The following NECAP2 variants were observed in gnomAD, a reference collection of about 807,000 sequenced individuals.
The protein encoded by NECAP2 is NECAP endocytosis associated 2.
In NECAP2, 38 loss-of-function variants were observed where a neutral mutation model predicts 37.8. That is an observed-to-expected ratio of 1.01 (90% CI 0.78 to 1.32). The LOEUF (loss-of-function observed/expected upper bound fraction) is 1.32, where lower values mean the gene tolerates loss of function less well. NECAP2 is among the 40% of genes most tolerant of loss of function. NECAP2 has a pLI of 0.00. For missense variants in NECAP2, 316 were observed against 334.5 expected, an observed-to-expected ratio of 0.94 and a Z score of 0.43; for synonymous variants, 121 against 127.7, an observed-to-expected ratio of 0.95 and a Z score of 0.35.
intron 2 of NECAP2, among the ~76,000 whole-genome samples, chr1:16,446,565 CTTTTT>C (rs80041434): frequency 1.4e-5 from 2 of 145,116 alleles, no homozygotes; most frequent in Admixed American, 6.9e-5. Context: ...CTGTTTCTTT[CTTTTT>C]TTTTTTTCTT....
Position 16,449,089 on chromosome 1 carries a change from C to G in NECAP2, c.381-4C>G, listed in dbSNP as rs773519134. The G allele has an allele frequency of 3.7e-6, 6 of 1,607,208 alleles. No individual in the cohort carries two copies. The highest frequency in any genetic ancestry group is 4.3e-6 in the Non-Finnish European group (5 of 1,175,356). ...TCACCTTTTTCCTCATGTTCTCTCC[C>G]CAGGTGGGTGAAACAGCAGTGTGAA... On this transcript the variant is annotated splice_polypyrimidine_tract_variant and splice_region_variant and intron_variant, in intron 4 of 7. Transcript: ENST00000337132.
chr1:16,458,705 G>A (rs1450789717), intron 7 of NECAP2, 137 bp from the exon 8 acceptor site: 1 of 824,454 alleles, frequency 1.2e-6, no homozygotes, highest in Non-Finnish European at 1.9e-6. Flanking sequence ...CTGTGCCAGA[G>A]TTTGCTGACT....
At chr1:16,441,159 C>CT (rs2086685202) in intron 1 of NECAP2, 2 of 410,992 alleles carry the variant, frequency 4.9e-6, no homozygotes, top group Non-Finnish European at 8.9e-6. Flanking sequence ...AGACGCTTCT[C>CT]TTTCAGCGCT....
rs749209440 is a variant in NECAP2, at chr1:16,447,931, G to A, written c.255G>A (p.Thr85=). 9.0e-5 allele frequency: 145 copies of A among 1,614,012 alleles called. No individual in the cohort carries two copies. Among genetic ancestry groups the A allele is most frequent in the Non-Finnish European group, 1.2e-4 (143 of 1,180,032 alleles). The part of the protein sequence containing the change: ...QFPGTAVESV[T]DSSRYFVIRI... ...CTGGCACAGCTGTGGAGAGTGTGAC[G>A]GATTCCAGCAGGTACTTCGTGATCC... Residue 85 remains threonine, a synonymous_variant, in exon 3 of 8, where the codon ACG becomes ACA. Transcript: ENST00000337132.
At chr1:16,448,949 C>T (rs1273271038) in intron 4 of NECAP2, 144 bp from the exon 5 acceptor site, 1 of 609,050 alleles carries the variant, frequency 1.6e-6, no homozygotes, top group East Asian at 2.8e-5. Flanking sequence ...TCAGGCCTCA[C>T]TCCCAAGCCT....
chr1:16,444,113 A>G (rs1031488383), intron 2 of NECAP2, among the ~76,000 whole-genome samples: 2 of 152,158 alleles, frequency 1.3e-5, no homozygotes, highest in South Asian at 2.1e-4. Context: ...TTGTTTATCA[A>G]TGCAGCGGTA....
At chr1:16,442,375 A>G (rs2086702167) in intron 1 of NECAP2, among the ~76,000 whole-genome samples, 1 of 152,154 alleles carries the variant, frequency 6.6e-6, no homozygotes, top group Non-Finnish European at 1.5e-5. Context: ...CTTAGAGGAA[A>G]CTACCAGTGC....
At chr1:16,455,556 G>A (rs1027621947) in intron 6 of NECAP2, 22 of 459,532 alleles carry the variant, frequency 4.8e-5, no homozygotes, top group African/African-American at 3.3e-4. Flanking sequence ...CACCCATCCC[G>A]CGGGCACCCC....
Position 16,448,189 on chromosome 1 carries a change from T to G in NECAP2, c.380+48T>G, listed in dbSNP as rs115287468. ...CGCTCATGCCCCTCCCTTCTTTCCC[T>G]GGACAGAATGATCTCCCAGGTTAGG... is the stretch of plus-strand genomic sequence containing the variant. On this transcript the variant is annotated intron_variant, in intron 4 of 7. Transcript: ENST00000337132. 2.3e-3 allele frequency: 3,490 copies of G among 1,516,902 alleles called. 62 individuals are homozygous for G. In the African/African-American group the frequency reaches 0.039, roughly 17 times the overall value. The allele number at this position is 1,516,902 out of a possible 1,614,324, so 94.0% of individuals were successfully genotyped here.
intron 5 of NECAP2, chr1:16,450,261 T>G: frequency 2.6e-6 from 1 of 378,240 alleles, no homozygotes; most frequent in African/African-American, 2.7e-5. Context: ...TTTTTTTGTT[T>G]TGTTTTGTTT....
chr1:16,453,315 G>A (rs891109939), intron 6 of NECAP2, among the ~76,000 whole-genome samples: 4 of 151,842 alleles, frequency 2.6e-5, no homozygotes, highest in African/African-American at 9.7e-5. Context: ...CTCCATGTTG[G>A]TCAGGCTGGT....
chr1:16,458,206 C>G (rs545839685), intron 7 of NECAP2, among the ~76,000 whole-genome samples: 1 of 152,074 alleles, frequency 6.6e-6, no homozygotes, highest in African/African-American at 2.4e-5. Flanking sequence ...TTTATTTTCA[C>G]GTTGAAAATC....
chr1:16,451,903 G>C lies in NECAP2; in HGVS notation c.555G>C (p.Leu185=), dbSNP rs149073589. 2.7e-5 allele frequency: 44 copies of C among 1,614,086 alleles called. No individual in the cohort carries two copies. The African/African-American group carries it at 4.8e-4, about 18-fold the overall frequency. The change falls in exon 6 of 8, where the codon CTG becomes CTC. Residue 185 remains leucine (L), a synonymous_variant. Transcript: ENST00000337132. The part of the protein sequence containing the change: ...PRVRPASTGG[L]SLLPPPPGGK... ...TCCGGCCTGCCAGCACAGGAGGGCT[G>C]AGCCTGCTTCCCCCTCCCCCAGGGG...
intron 2 of NECAP2, among the ~76,000 whole-genome samples, chr1:16,447,245 T>G (rs2086776988): frequency 6.6e-6 from 1 of 152,148 alleles, no homozygotes; most frequent in South Asian, 2.1e-4. Context: ...TCATAAATGC[T>G]TGTGGAAATT....
intron 2 of NECAP2, 42 bp from the exon 3 acceptor site, chr1:16,447,827 AG>A (rs762222617): frequency 2.6e-6 from 4 of 1,543,358 alleles, no homozygotes. Flanking sequence ...CTTGGCTGGA[AG>A]GGGGCTCAGG....
In NECAP2 at chr1:16,446,266, G is replaced by A. The variant is rs1043941333; in HGVS notation, c.194-1604G>A. On this transcript the variant is annotated intron_variant, in intron 2 of 7. Coordinates refer to ENST00000337132, the MANE Select transcript of NECAP2 (RefSeq NM_018090.5). ...CACAGGATTCAGTAGAAGATATATG[G>A]TTAAATACTTAAAGCACCAGCCAGG... Among the ~76,000 whole-genome samples, 35 of 152,254 alleles carry A rather than the reference G, an allele frequency of 2.3e-4. 1 individual carries two copies. Among genetic ancestry groups the A allele is most frequent in the African/African-American group, 8.4e-4 (35 of 41,546 alleles).
rs279022 is a variant in NECAP2, at chr1:16,459,592, T to C, written c.*702T>C. 151,639 of 152,408 alleles carry C rather than the reference T, an allele frequency of 0.99. 75,438 individuals carry two copies. The highest frequency in any genetic ancestry group is 1 in the East Asian group (5,188 of 5,188). 9.4% of individuals were successfully genotyped at this position (152,408 alleles called of 1,614,324 possible). On this transcript the variant is annotated 3_prime_UTR_variant, in exon 8 of 8. Transcript: ENST00000337132. ...GCCCTGAGCTTCAGGCAGCAGTGTT[T>C]ATCTCTGGCCAGTTGTCTGGTTTCC...
intron 5 of NECAP2, 49 bp from the exon 6 acceptor site, chr1:16,451,789 T>C (rs368647477): frequency 3.6e-5 from 58 of 1,608,892 alleles, no homozygotes; most frequent in South Asian, 1.4e-4. Flanking sequence ...TCTGGTAGCA[T>C]TGGGACTCCA....
rs538524715 is a variant in NECAP2 at position 16,442,312 on chromosome 1, C to G, written c.93-1320C>G. Among the ~76,000 whole-genome samples, 36 of 152,232 alleles carry G rather than the reference C, an allele frequency of 2.4e-4. 1 individual carries two copies. In the South Asian group the frequency reaches 7.2e-3, roughly 31 times the overall value. On this transcript the variant is annotated intron_variant, in intron 1 of 7. Coordinates refer to ENST00000337132, the MANE Select transcript of NECAP2 (RefSeq NM_018090.5). Reference sequence around the variant, plus strand: ...GTCTTTAGTAGGATGGATTTGGTTCCTCTTGGTGCCCCAGAGAGCGAGGTT... The same window carrying G: ...GTCTTTAGTAGGATGGATTTGGTTCGTCTTGGTGCCCCAGAGAGCGAGGTT...
Sources: allele counts gnomAD v4.1 joint callset (sites outside exome capture counted in the v4.1 genomes callset), GRCh38; gene constraint gnomAD v4.1.1; transcripts MANE v1.5; gene names NCBI Gene and HGNC (gene_info 2026-07-23, HGNC 2026-07-21).